The following RABGAP1L variants were observed in gnomAD, a reference collection of about 807,000 sequenced individuals.
The protein encoded by RABGAP1L is RAB GTPase activating protein 1 like, also known as rab GTPase-activating protein 1-like.
In RABGAP1L, 63 loss-of-function variants were observed where a neutral mutation model predicts 137.7. The observed-to-expected ratio is 0.46, with a 90% CI of 0.37 to 0.56. RABGAP1L has a LOEUF of 0.56. Among genes scored for constraint, RABGAP1L ranks in the 20% least tolerant of loss-of-function variants. RABGAP1L has a pLI of 0.00. For missense variants in RABGAP1L, 1,095 were observed against 1,244.0 expected (o/e 0.88, Z 1.80); for synonymous variants, 431 against 433.7 (o/e 0.99, Z 0.08).
chr1:174,982,976 C>T (rs1013083843), intron 24 of RABGAP1L, 71 bp downstream of exon 24: 1 of 1,415,580 alleles, frequency 7.1e-7, no homozygotes, highest in African/African-American at 1.4e-5. Flanking sequence ...CCTGAAAGAA[C>T]CCCAAACACC....
intron 13 of RABGAP1L, among the ~76,000 whole-genome samples, chr1:174,574,051 G>C (rs1405561491): frequency 6.6e-6 from 1 of 152,214 alleles, no homozygotes; most frequent in Non-Finnish European, 1.5e-5. Flanking sequence ...ACACATAAGA[G>C]GCATGCTAAT....
chr1:174,365,519 G>A (rs1019935498), intron 11 of RABGAP1L, among the ~76,000 whole-genome samples: 1 of 152,086 alleles, frequency 6.6e-6, no homozygotes, highest in African/African-American at 2.4e-5. Context: ...CTGCTGCGAT[G>A]GATGTTTCCC....
intron 19 of RABGAP1L, chr1:174,935,307 T>C (rs1664578626): frequency 6.6e-6 from 1 of 152,220 alleles, no homozygotes; most frequent in Non-Finnish European, 1.5e-5. Flanking sequence ...TTTTTCTGAG[T>C]TTATGTGATT....
At chr1:174,327,986 CATATATATATATATATATATAT>C (rs3057021) in intron 11 of RABGAP1L, among the ~76,000 whole-genome samples, 1 of 53,650 alleles carries the variant, frequency 1.9e-5, no homozygotes, top group East Asian at 5.5e-4. Context: ...TATACACACA[CATATATATATATATATATATAT>C]ATATATATAT....
intron 19 of RABGAP1L, among the ~76,000 whole-genome samples, chr1:174,948,530 AAAG>A (rs1217062353): frequency 6.6e-6 from 1 of 151,170 alleles, no homozygotes; most frequent in East Asian, 1.9e-4. Context: ...AAAAAAAAAA[AAAG>A]GAGTGTAACT....
rs148174097 is a variant in RABGAP1L, at chr1:174,220,535, G to A, written c.139-437G>A. Among the ~76,000 whole-genome samples, 128 of 152,184 alleles carry A rather than the reference G, an allele frequency of 8.4e-4. No individual in the cohort carries two copies. In the East Asian group the frequency reaches 0.019, roughly 22 times the overall value. ...ATACAAAAATTAGCTGGGTGTGGTC[G>A]TGCACGCCTGTAGTCCCATCTACTT... On this transcript the variant is annotated intron_variant, in intron 2 of 25. Transcript: ENST00000681986.
intron 13 of RABGAP1L, among the ~76,000 whole-genome samples, chr1:174,609,199 G>C (rs530593156): frequency 8.7e-4 from 133 of 152,132 alleles, no homozygotes; most frequent in African/African-American, 3.1e-3. Context: ...AAAAAGGCAA[G>C]GCCAGACAAA....
At chr1:174,427,671 T>A (rs954170946) in intron 13 of RABGAP1L, among the ~76,000 whole-genome samples, 2 of 152,222 alleles carry the variant, frequency 1.3e-5, no homozygotes, top group African/African-American at 4.8e-5. Flanking sequence ...CTTTATATTC[T>A]GGGTGGTTTT....
At chr1:174,980,120 CA>C (rs1327597999) in intron 23 of RABGAP1L, among the ~76,000 whole-genome samples, 1 of 152,048 alleles carries the variant, frequency 6.6e-6, no homozygotes, top group African/African-American at 2.4e-5. Flanking sequence ...TGTTGCTATA[CA>C]AATGCTTTAT....
At position 174,652,092 on chromosome 1, in the gene RABGAP1L, T is replaced by C. The variant is rs188300252; in HGVS notation, c.1824+14604T>C. Among the ~76,000 whole-genome samples, 361 of 152,338 alleles carry C rather than the reference T, an allele frequency of 2.4e-3. 2 individuals are homozygous for C. The highest frequency in any genetic ancestry group is 7.9e-3 in the African/African-American group (327 of 41,582). On this transcript the variant is annotated intron_variant, in intron 14 of 25. Transcript: ENST00000681986. ...AAGTATTTTATTTCTCCTTCACGTATGAAGCTTAGTTTGGCTGGATATGAA... is the reference window on the plus strand; with the variant it reads ...AAGTATTTTATTTCTCCTTCACGTACGAAGCTTAGTTTGGCTGGATATGAA...
At position 174,989,937 on chromosome 1, in the gene RABGAP1L, C is replaced by T. The variant is rs1025020331; in HGVS notation, c.3092C>T (p.Thr1031Met). 9.7e-6 allele frequency: 15 copies of T among 1,549,578 alleles called. No individual in the cohort carries two copies. The highest frequency in any genetic ancestry group is 5.5e-5 in the African/African-American group (4 of 73,012). Reference sequence around the variant, plus strand: ...AGCAAAACCCTGAACTCTATCAAAACGGCCACGGGCACCCAGCCATTGCAG... The same window carrying T: ...AGCAAAACCCTGAACTCTATCAAAATGGCCACGGGCACCCAGCCATTGCAG... The part of the protein sequence containing the change: ...WFSKTLNSIK[T>M]ATGTQPLQPA... The change falls in exon 26 of 26, where the codon ACG becomes ATG. Residue 1031 changes from threonine (T) to methionine (M), a missense_variant. This residue lies in a region of RABGAP1L where 312 missense variants were observed against 435.6 expected (regional missense o/e 0.72). Transcript: ENST00000681986.
chr1:174,384,022 C>G (rs1465371672), intron 12 of RABGAP1L, among the ~76,000 whole-genome samples: 1 of 152,160 alleles, frequency 6.6e-6, no homozygotes, highest in East Asian at 1.9e-4. Context: ...AAACTGCAAA[C>G]AACCCAAATG....
At chr1:174,818,051 C>G (rs1690621022) in intron 19 of RABGAP1L, among the ~76,000 whole-genome samples, 1 of 152,166 alleles carries the variant, frequency 6.6e-6, no homozygotes. Context: ...ATCCACAACT[C>G]ATATCCAAGT....
chr1:174,345,457 A>T (rs1398102212), intron 11 of RABGAP1L, among the ~76,000 whole-genome samples: 2 of 151,876 alleles, frequency 1.3e-5, no homozygotes, highest in Admixed American at 6.6e-5. Flanking sequence ...GTCCTCTTTG[A>T]TTTCTTTCAT....
At chr1:174,717,084 A>G (rs960824023) in intron 17 of RABGAP1L, among the ~76,000 whole-genome samples, 1 of 152,168 alleles carries the variant, frequency 6.6e-6, no homozygotes, top group Non-Finnish European at 1.5e-5. Flanking sequence ...TACCTTGCAA[A>G]TATACATAAA....
At chr1:174,742,410 G>T (rs919764343) in intron 17 of RABGAP1L, among the ~76,000 whole-genome samples, 1 of 152,102 alleles carries the variant, frequency 6.6e-6, no homozygotes, top group Non-Finnish European at 1.5e-5. Flanking sequence ...CCAGCTACTC[G>T]GGAGGCTGAG....
At position 174,828,836 on chromosome 1, in the gene RABGAP1L, C is replaced by T. The variant is rs184045646; in HGVS notation, c.2340+16876C>T. Among the ~76,000 whole-genome samples, 21 of 148,040 alleles carry T rather than the reference C, an allele frequency of 1.4e-4. 4 individuals are homozygous for T. Among genetic ancestry groups the T allele is most frequent in the Admixed American group, 2.0e-4 (3 of 14,794 alleles). Reference sequence around the variant, plus strand: ...AGAGCACCACTGTTGGCGTTAAGAACGTGGTTTTCTGAAGCCACATTGTTG... The same window carrying T: ...AGAGCACCACTGTTGGCGTTAAGAATGTGGTTTTCTGAAGCCACATTGTTG... On this transcript the variant is annotated intron_variant, in intron 19 of 25. Transcript: ENST00000681986.
chr1:174,783,142 C>T (rs199908357), intron 18 of RABGAP1L, among the ~76,000 whole-genome samples: 12 of 152,130 alleles, frequency 7.9e-5, no homozygotes, highest in South Asian at 2.1e-4. Flanking sequence ...GCAGGGTGTC[C>T]GCTGCACTCC....
chr1:174,176,593 T>TC (rs990852940), intron 1 of RABGAP1L, among the ~76,000 whole-genome samples: 6 of 151,178 alleles, frequency 4.0e-5, no homozygotes, highest in Admixed American at 1.3e-4. Context: ...ATGCCTGTAG[T>TC]CCCAACTACT....
Sources: allele counts gnomAD v4.1 joint callset (sites outside exome capture counted in the v4.1 genomes callset), GRCh38; gene constraint gnomAD v4.1.1; regional missense constraint gnomAD v4.1.1; transcripts MANE v1.5; gene names NCBI Gene and HGNC (gene_info 2026-07-23, HGNC 2026-07-21).